The following PAAF1 variants were observed in gnomAD, a reference collection of about 807,000 sequenced individuals.
PAAF1 encodes proteasomal ATPase-associated factor 1.
PAAF1 carries 46 observed loss-of-function variants against 52.8 expected under a neutral mutation model. That is an observed-to-expected ratio of 0.87 (90% confidence interval 0.69 to 1.11). The LOEUF is 1.11. PAAF1 is among the 50% of genes most tolerant of loss of function. The pLI is 0.00. For synonymous variants in PAAF1, 178 were observed against 172.8 expected (o/e 1.03, Z -0.24); for missense variants, 424 against 477.4 (o/e 0.89, Z 1.04).
chr11:73,910,954 C>T (rs1246105384), intron 7 of PAAF1, among the ~76,000 whole-genome samples: 2 of 145,910 alleles, frequency 1.4e-5, no homozygotes, highest in Admixed American at 1.4e-4. Context: ...CGCTCCATTG[C>T]ACTCCAGCCC....
At chr11:73,889,763 A>C (rs1281466407) in intron 3 of PAAF1, among the ~76,000 whole-genome samples, 7 of 152,222 alleles carry the variant, frequency 4.6e-5, no homozygotes, top group African/African-American at 1.7e-4. Context: ...TTTCTGGTAC[A>C]AGAGGCAGTT....
intron 4 of PAAF1, 67 bp from the exon 5 acceptor site, chr11:73,899,079 A>T: frequency 7.8e-7 from 1 of 1,289,410 alleles, no homozygotes; most frequent in Non-Finnish European, 1.1e-6. Context: ...GGAAGTTTAT[A>T]ACATATTTCA....
intron 4 of PAAF1, among the ~76,000 whole-genome samples, chr11:73,897,666 C>T (rs1282217621): frequency 7.9e-5 from 12 of 151,146 alleles, no homozygotes; most frequent in South Asian, 6.3e-4. Context: ...CCAGACTGGG[C>T]GGCCGGGCAG....
chr11:73,910,977 G>T (rs1402234250), intron 7 of PAAF1, among the ~76,000 whole-genome samples: 2 of 137,016 alleles, frequency 1.5e-5, no homozygotes, highest in Non-Finnish European at 3.1e-5. Context: ...GCGACAGTGT[G>T]AGACTCTGTC....
chr11:73,885,034 T>G (rs1369510174), intron 2 of PAAF1, among the ~76,000 whole-genome samples: 1 of 151,856 alleles, frequency 6.6e-6, no homozygotes, highest in Non-Finnish European at 1.5e-5. Flanking sequence ...TAATTTTTTG[T>G]ATTTTTAGTA....
At chr11:73,893,762 GA>G (rs1949268910) in intron 4 of PAAF1, among the ~76,000 whole-genome samples, 1 of 100,384 alleles carries the variant, frequency 1.0e-5, no homozygotes, top group Non-Finnish European at 2.1e-5. Flanking sequence ...AAAAAAAAAA[GA>G]AAGAAAAAAC....
intron 4 of PAAF1, among the ~76,000 whole-genome samples, chr11:73,893,817 G>C (rs533349660): frequency 1.8e-4 from 27 of 151,384 alleles, no homozygotes; most frequent in African/African-American, 5.6e-4. Flanking sequence ...CCAGCACTTA[G>C]GGAGACCCAG....
At chr11:73,887,113 A>T (rs1949083205) in intron 2 of PAAF1, 1 of 467,052 alleles carries the variant, frequency 2.1e-6, no homozygotes, top group Non-Finnish European at 4.0e-6. Context: ...AGCCAAATAA[A>T]CCTCTTTTCT....
At chr11:73,926,711 AAAAC>A (rs535304975) in intron 11 of PAAF1, among the ~76,000 whole-genome samples, 3 of 152,276 alleles carry the variant, frequency 2.0e-5, no homozygotes, top group Non-Finnish European at 4.4e-5. Context: ...TCTGTCTCAA[AAAAC>A]AAACAAACAA....
At chr11:73,906,999 T>A (rs1949776287) in intron 6 of PAAF1, among the ~76,000 whole-genome samples, 1 of 152,174 alleles carries the variant, frequency 6.6e-6, no homozygotes, top group African/African-American at 2.4e-5. Flanking sequence ...CTCTACTCCA[T>A]ACAACTCTGT....
intron 2 of PAAF1, among the ~76,000 whole-genome samples, chr11:73,881,955 A>G (rs891280260): frequency 1.3e-5 from 2 of 151,862 alleles, no homozygotes; most frequent in Non-Finnish European, 2.9e-5. Context: ...GCTCACTGCA[A>G]CCTCCGCCTC....
intron 10 of PAAF1, among the ~76,000 whole-genome samples, chr11:73,919,910 C>G (rs1950165462): frequency 6.6e-6 from 1 of 152,038 alleles, no homozygotes; most frequent in South Asian, 2.1e-4. Flanking sequence ...ACAAGAAGTC[C>G]AGAGTCCATT....
At chr11:73,882,220 T>C (rs1948930309) in intron 2 of PAAF1, among the ~76,000 whole-genome samples, 1 of 150,992 alleles carries the variant, frequency 6.6e-6, no homozygotes, top group South Asian at 2.1e-4. Context: ...TTCACTGTGT[T>C]AGTCAGGATG....
intron 5 of PAAF1, 86 bp from the exon 6 acceptor site, chr11:73,900,184 C>T (rs1163720965): frequency 2.1e-6 from 3 of 1,407,370 alleles, no homozygotes; most frequent in African/African-American, 2.9e-5. Flanking sequence ...GTAGGTATTT[C>T]ATATAAGGGA....
At position 73,891,139 on chromosome 11, in the gene PAAF1, G is replaced by C. The variant is rs776947006; in HGVS notation, c.220G>C (p.Glu74Gln). Residue 74 changes from glutamate (E) to glutamine (Q), a missense_variant, in exon 4 of 12, where the codon GAA (glutamate) becomes CAA (glutamine). Physicochemically the swap from Glu to Gln is conservative, Grantham distance 29. Transcript: ENST00000310571. ...AAGCATTCATATTTCATGTCCAAAG[G>C]AAAATGCATCTTCTAAGTTTTTGGC... ...KKSIHISCPK[E>Q]NASSKFLAPY... 1 of 1,601,514 alleles carries C rather than the reference G, an allele frequency of 6.2e-7. No homozygotes were observed. The highest frequency in any genetic ancestry group is 8.5e-7 in the Non-Finnish European group (1 of 1,169,832).
chr11:73,926,619 G>C (rs1286446521), intron 11 of PAAF1, among the ~76,000 whole-genome samples: 2 of 152,160 alleles, frequency 1.3e-5, no homozygotes, highest in Non-Finnish European at 2.9e-5. Flanking sequence ...TGAGGCAGGA[G>C]AATGGCGTGA....
intron 11 of PAAF1, among the ~76,000 whole-genome samples, 190 bp downstream of exon 11, chr11:73,924,887 T>C (rs1429301794): frequency 1.3e-5 from 2 of 151,938 alleles, no homozygotes; most frequent in Non-Finnish European, 2.9e-5. Flanking sequence ...GCATGGTGGC[T>C]CACGCCTGTA....
chr11:73,877,646 A>G (rs1948780189), intron 1 of PAAF1, among the ~76,000 whole-genome samples: 1 of 152,132 alleles, frequency 6.6e-6, no homozygotes, highest in East Asian at 1.9e-4. Context: ...AGCACTTTGG[A>G]AAACTGAGAT....
intron 6 of PAAF1, among the ~76,000 whole-genome samples, chr11:73,907,006 CTG>C (rs1377112371): frequency 6.6e-6 from 1 of 151,964 alleles, no homozygotes; most frequent in Non-Finnish European, 1.5e-5. Context: ...CCATACAACT[CTG>C]TGTTTTTACA....
Sources: gnomAD v4.1 joint callset for allele counts (sites outside exome capture counted in the v4.1 genomes callset) on GRCh38, gnomAD v4.1.1 for gene constraint, MANE v1.5 for transcripts, NCBI Gene and HGNC (gene_info 2026-07-23, HGNC 2026-07-21) for gene names.